ACOT7: variants seen among roughly 807,000 people sequenced by gnomAD.
ACOT7 encodes the protein cytosolic acyl coenzyme A thioester hydrolase.
ACOT7 carries 12 observed loss-of-function variants against 40.2 expected under a neutral mutation model. The ratio of observed to expected loss-of-function variants is 0.30; its 90% CI spans 0.19 to 0.48. The LOEUF is 0.48. Among genes scored for constraint, ACOT7 ranks in the 20% least tolerant of loss-of-function variants. The pLI is 0.99. For synonymous variants in ACOT7, 228 were observed against 219.5 expected (o/e 1.04, Z -0.34); for missense variants, 395 against 530.8 (o/e 0.74, Z 2.51).
rs1557627923 is a variant in ACOT7 at position 6,278,243 on chromosome 1, A to G, written c.1014+2859T>C. On this transcript the variant is annotated intron_variant, in intron 8 of 8. Transcript: ENST00000361521. The surrounding 1 kb of genome is among the most constrained non-coding windows in gnomAD (Gnocchi z 4.1). ...AGCAGCAGGTGCACAGGCGCCGGGC[A>G]GGAGTGAGCTTGCTGCACCCACACC... 6.6e-6 allele frequency among the ~76,000 whole-genome samples: 1 copy of G among 152,142 alleles called. No homozygotes were observed. Among genetic ancestry groups the G allele is most frequent in the Non-Finnish European group, 1.5e-5 (1 of 67,998 alleles).
In ACOT7 at chr1:6,282,371, C is replaced by A. The variant is rs558624015; in HGVS notation, c.830-1085G>T. Among the ~76,000 whole-genome samples the A allele has an allele frequency of 4.6e-5, 7 of 152,300 alleles. No individual in the cohort carries two copies. In the East Asian group the frequency reaches 1.4e-3, roughly 29 times the overall value. On this transcript the variant is annotated intron_variant, in intron 7 of 8. Transcript: ENST00000361521. This position sits in a 1 kb window ranked among gnomAD's most constrained non-coding sequence, Gnocchi z 4.5. ...GTCACTGGCCACCAGGCTGCAGAAA[C>A]CCCCGGGGACTTCCGGGGCAAGTGC...
intron 2 of ACOT7, among the ~76,000 whole-genome samples, chr1:6,342,261 A>C (rs1394244982): frequency 6.6e-6 from 1 of 152,050 alleles, no homozygotes; most frequent in African/African-American, 2.4e-5. Flanking sequence ...GGACCCTTTC[A>C]TGAAGACATT....
At chr1:6,310,337 C>G (rs113971622) in intron 6 of ACOT7, among the ~76,000 whole-genome samples, 2 of 152,238 alleles carry the variant, frequency 1.3e-5, no homozygotes, top group Admixed American at 6.5e-5. Context: ...GGTCCTCCCC[C>G]TGATGTGCGC....
intron 1 of ACOT7, among the ~76,000 whole-genome samples, chr1:6,365,541 G>T (rs997304758): frequency 6.6e-6 from 1 of 152,100 alleles, no homozygotes; most frequent in African/African-American, 2.4e-5. Flanking sequence ...AGGCCAAGGT[G>T]GGTGGATCAC....
intron 2 of ACOT7, among the ~76,000 whole-genome samples, chr1:6,344,510 A>T (rs542612824): frequency 6.6e-6 from 1 of 152,300 alleles, no homozygotes; most frequent in South Asian, 2.1e-4. Flanking sequence ...TCACGCCTGT[A>T]ATCCCAGCAC....
chr1:6,324,985 C>A (rs1251714804), intron 5 of ACOT7, among the ~76,000 whole-genome samples: 1 of 152,240 alleles, frequency 6.6e-6, no homozygotes, highest in Non-Finnish European at 1.5e-5. Flanking sequence ...CGGTGTCTGA[C>A]CTGACTGCTG....
intron 1 of ACOT7, among the ~76,000 whole-genome samples, chr1:6,356,443 G>C (rs1641746033): frequency 1.3e-5 from 2 of 151,672 alleles, no homozygotes; most frequent in South Asian, 4.2e-4. Flanking sequence ...AGCACCCTCA[G>C]CCCCGCTCAG....
intron 4 of ACOT7, among the ~76,000 whole-genome samples, chr1:6,331,735 T>G (rs1457904971): frequency 6.6e-6 from 1 of 151,940 alleles, no homozygotes; most frequent in Non-Finnish European, 1.5e-5. Context: ...AGGGCTCCCC[T>G]GTCACCAAGA....
At chr1:6,300,852 C>T (rs1472799967) in intron 6 of ACOT7, among the ~76,000 whole-genome samples, 5 of 152,220 alleles carry the variant, frequency 3.3e-5, no homozygotes, top group African/African-American at 9.7e-5. Context: ...TGACCAACAC[C>T]GGGTCTCACT....
chr1:6,385,481 CCA>C (rs1402283175), intron 1 of ACOT7: 1 of 1,603,594 alleles, frequency 6.2e-7, no homozygotes, highest in Non-Finnish European at 8.5e-7. Flanking sequence ...CAAAATATTC[CCA>C]GTCATCCTAC....
In ACOT7 at chr1:6,311,532, A is replaced by G. The variant is rs532226049; in HGVS notation, c.712+6960T>C. Among the ~76,000 whole-genome samples, 1 of 152,238 alleles carries G rather than the reference A, an allele frequency of 6.6e-6. No homozygotes were observed. The highest frequency in any genetic ancestry group is 1.9e-4 in the East Asian group (1 of 5,180). ...GTCCGCAAGGTTCAATCTGCCCCTC[A>G]AGGTATCTCAACTCCCTCCGTCCCC... On this transcript the variant is annotated intron_variant, in intron 6 of 8. Transcript: ENST00000361521. The surrounding 1 kb of genome is among the most constrained non-coding windows in gnomAD (Gnocchi z 5.2).
chr1:6,393,423 C>A lies in ACOT7; in HGVS notation c.-24G>T. ...ATAAAGGGGGAGGGCAGAGGTGGAGCGATGGGGCTGGTGAGGCGGGGCCTG... is the reference window on the plus strand; with the variant it reads ...ATAAAGGGGGAGGGCAGAGGTGGAGAGATGGGGCTGGTGAGGCGGGGCCTG... On this transcript the variant is annotated 5_prime_UTR_variant, in exon 1 of 9. Coordinates refer to ENST00000361521, the MANE Select transcript of ACOT7 (RefSeq NM_007274.4). The A allele has an allele frequency of 1.6e-6, 2 of 1,219,658 alleles. No homozygotes were observed. Among genetic ancestry groups the A allele is most frequent in the Non-Finnish European group, 2.0e-6 (2 of 977,692 alleles). The allele number at this position is 1,219,658 out of a possible 1,614,324, so 75.6% of individuals were successfully genotyped here.
intron 1 of ACOT7, among the ~76,000 whole-genome samples, chr1:6,379,422 G>A (rs1431185688): frequency 3.3e-5 from 5 of 151,712 alleles, no homozygotes; most frequent in South Asian, 2.1e-4. Context: ...ATTAACTCAA[G>A]ATAGGTCAAA....
chr1:6,316,295 G>A lies in ACOT7; in HGVS notation c.712+2197C>T, dbSNP rs375747769. Among the ~76,000 whole-genome samples, 23 of 152,302 alleles carry A rather than the reference G, an allele frequency of 1.5e-4. No individual in the cohort carries two copies. In the East Asian group the frequency reaches 3.5e-3, roughly 23 times the overall value. ...ACAGAGACATGGGGGCAGTAAGGAAGGGGAAACAGGGAATGCCTCTGAGGC... is the reference window on the plus strand; with the variant it reads ...ACAGAGACATGGGGGCAGTAAGGAAAGGGAAACAGGGAATGCCTCTGAGGC... On this transcript the variant is annotated intron_variant, in intron 6 of 8. Transcript: ENST00000361521.
At chr1:6,296,419 A>C (rs1272786526) in intron 6 of ACOT7, among the ~76,000 whole-genome samples, 1 of 149,040 alleles carries the variant, frequency 6.7e-6, no homozygotes, top group Non-Finnish European at 1.5e-5. Context: ...CAATTATTTC[A>C]ATTTTTAATT....
chr1:6,356,782 G>T (rs2148462446), intron 1 of ACOT7, among the ~76,000 whole-genome samples: 1 of 152,194 alleles, frequency 6.6e-6, no homozygotes. Context: ...AGCTGGGCGT[G>T]GTGGCAGGCT....
At chr1:6,361,304 C>T (rs1391981805) in intron 1 of ACOT7, among the ~76,000 whole-genome samples, 3 of 152,082 alleles carry the variant, frequency 2.0e-5, no homozygotes, top group African/African-American at 7.2e-5. Context: ...AGAAAGTCAG[C>T]TGGTGGGGGG....
chr1:6,335,915 C>A (rs941300245), intron 3 of ACOT7, among the ~76,000 whole-genome samples: 2 of 152,206 alleles, frequency 1.3e-5, no homozygotes, highest in African/African-American at 4.8e-5. Flanking sequence ...CTAGAGCCAG[C>A]CTGACAAGCC....
At chr1:6,325,265 G>A (rs3789487) in intron 5 of ACOT7, among the ~76,000 whole-genome samples, 14,838 of 152,074 alleles carry the variant, frequency 0.098, 1,857 homozygotes, top group African/African-American at 0.29. Flanking sequence ...GGGCATGGTG[G>A]CGGGCGCCTG....
Sources: gnomAD v4.1 joint callset for allele counts (sites outside exome capture counted in the v4.1 genomes callset) on GRCh38, gnomAD v4.1.1 for gene constraint, Gnocchi (gnomAD v3.1) non-coding constraint, MANE v1.5 for transcripts, NCBI Gene and HGNC (gene_info 2026-07-23, HGNC 2026-07-21) for gene names.